Variants in FHAD1 observed in about 807,000 individuals in gnomAD.
The protein encoded by FHAD1 is forkhead associated phosphopeptide binding domain 1, also known as forkhead-associated domain-containing protein 1.
FHAD1 carries 146 observed loss-of-function variants against 191.3 expected under a neutral mutation model. That is an observed-to-expected ratio of 0.76 (90% CI 0.67 to 0.88). The LOEUF (loss-of-function observed/expected upper bound fraction) is 0.88, where lower values mean the gene tolerates loss of function less well. FHAD1 is among the 40% of genes least tolerant of loss of function. The probability of loss-of-function intolerance (pLI) is 0.00; values close to 1 mark genes in which losing one functional copy is unlikely to be tolerated. For synonymous variants in FHAD1, 616 were observed against 672.3 expected, an observed-to-expected ratio of 0.92 and a Z score of 1.29; for missense variants, 1,635 against 1,785.8, an observed-to-expected ratio of 0.92 and a Z score of 1.52.
intron 3 of FHAD1, among the ~76,000 whole-genome samples, chr1:15,284,258 A>G (rs1314045122): frequency 6.6e-6 from 1 of 152,160 alleles, no homozygotes; most frequent in Non-Finnish European, 1.5e-5. Flanking sequence ...AGGCGGGCGG[A>G]TCACGAGGTT....
At chr1:15,376,080 T>TA (rs1558271202) in intron 28 of FHAD1, among the ~76,000 whole-genome samples, 1,469 of 134,766 alleles carry the variant, frequency 0.011, 10 homozygotes, top group East Asian at 0.02. Flanking sequence ...TTTATTTATT[T>TA]TTTTATTTAT....
intron 25 of FHAD1, 54 bp downstream of exon 25, chr1:15,367,676 G>A (rs1383199952): frequency 1.7e-5 from 25 of 1,431,796 alleles, no homozygotes; most frequent in East Asian, 4.9e-5. Flanking sequence ...GTGGGGAGCC[G>A]CTGAGTATTG....
intron 2 of FHAD1, 90 bp from the exon 3 acceptor site, chr1:15,272,233 G>A (rs977062783): frequency 6.6e-6 from 8 of 1,206,206 alleles, no homozygotes; most frequent in East Asian, 2.6e-5. Flanking sequence ...ATCTGGCGGC[G>A]GCAAAACAGG....
In FHAD1 at chr1:15,327,496, T is replaced by C. The variant is rs1679217650; in HGVS notation, c.1557+354T>C. On this transcript the variant is annotated intron_variant, in intron 12 of 33. Transcript: ENST00000688493. This position sits in a 1 kb window ranked among gnomAD's most constrained non-coding sequence, Gnocchi z 5.1. ...TCCTTCAGAGGAGAAAAGTTGACAG[T>C]GGCAGTGAGGGTGGATGTCTGGCTG... 1 of 189,020 alleles carries C rather than the reference T, an allele frequency of 5.3e-6. No individual in the cohort carries two copies. The allele number at this position is 189,020 out of a possible 1,614,324, so 11.7% of individuals were successfully genotyped here.
intron 1 of FHAD1, among the ~76,000 whole-genome samples, chr1:15,237,745 A>C (rs1194632985): frequency 2.0e-5 from 3 of 152,034 alleles, no homozygotes; most frequent in Non-Finnish European, 4.4e-5. Flanking sequence ...GTAAAGTATC[A>C]GAAAGAAAAG....
At chr1:15,279,887 A>G (rs1045128373) in intron 3 of FHAD1, among the ~76,000 whole-genome samples, 1 of 152,044 alleles carries the variant, frequency 6.6e-6, no homozygotes, top group East Asian at 1.9e-4. Flanking sequence ...TGTAGGGAGG[A>G]AAAACAAAAA....
chr1:15,312,827 G>A lies in FHAD1; in HGVS notation c.1040-230G>A, dbSNP rs946710941. Among the ~76,000 whole-genome samples the A allele has an allele frequency of 1.3e-5, 2 of 152,096 alleles. No individual in the cohort carries two copies. The highest frequency in any genetic ancestry group is 4.8e-5 in the African/African-American group (2 of 41,436). ...GCAGGGCCGATGCCCACAGCACCCCGACAGATGTTTCCTGTCTCCAGCAAC... is the reference window on the plus strand; with the variant it reads ...GCAGGGCCGATGCCCACAGCACCCCAACAGATGTTTCCTGTCTCCAGCAAC... On this transcript the variant is annotated intron_variant, in intron 7 of 33. Coordinates refer to ENST00000688493, the MANE Select transcript of FHAD1 (RefSeq NM_001391957.1). The surrounding 1 kb of genome is among the most constrained non-coding windows in gnomAD (Gnocchi z 4.7).
At position 15,325,656 on chromosome 1, in the gene FHAD1, CT is replaced by C. The variant is rs1678221121; in HGVS notation, c.1473+1098del. The C allele has an allele frequency of 6.5e-6, 1 of 152,736 alleles. No homozygotes were observed. The highest frequency in any genetic ancestry group is 1.5e-5 in the Non-Finnish European group (1 of 68,356). 9.5% of individuals were successfully genotyped at this position (152,736 alleles called of 1,614,324 possible). A position where few individuals can be genotyped will look rare whatever the true frequency, so the allele number is the denominator to read the frequency against. ...ACATTGGCTACCCCCAATCTTCCCC[CT>C]AACACATACCTGATTTGAGGGTCTG... On this transcript the variant is annotated intron_variant, in intron 11 of 33. Coordinates refer to ENST00000688493, the MANE Select transcript of FHAD1 (RefSeq NM_001391957.1). This position sits in a 1 kb window ranked among gnomAD's most constrained non-coding sequence, Gnocchi z 4.6.
At chr1:15,363,979 G>A (rs959993907) in intron 23 of FHAD1, 2 of 341,100 alleles carry the variant, frequency 5.9e-6, no homozygotes, top group Non-Finnish European at 5.7e-6. Context: ...CTCAGCCTCC[G>A]CATTGTGAAA....
At chr1:15,357,400 G>A (rs1049341295) in intron 20 of FHAD1, among the ~76,000 whole-genome samples, 33 of 152,158 alleles carry the variant, frequency 2.2e-4, no homozygotes, top group African/African-American at 7.7e-4. Flanking sequence ...CGAGGCAGGC[G>A]GATCACGAGG....
chr1:15,314,624 TGAGGATGTATG>T (rs2101243299), intron 8 of FHAD1: 1 of 140,174 alleles, frequency 7.1e-6, no homozygotes, highest in African/African-American at 2.7e-5. Context: ...GGTGTGGGTG[TGAGGATGTATG>T]TGGGTGTGTG....
rs74053891 is a variant in FHAD1, at chr1:15,302,932, A to T, written c.915+1491A>T. 7.8e-3 allele frequency among the ~76,000 whole-genome samples: 1,184 copies of T among 152,318 alleles called. 23 individuals are homozygous for T. Among genetic ancestry groups the T allele is most frequent in the African/African-American group, 0.027 (1,110 of 41,570 alleles). Reference sequence around the variant, plus strand: ...CAGCCCTGGAAAAAGCCTAGGTTAGACATGGTGAACCTCGAAGAGTCTTTC... The same window carrying T: ...CAGCCCTGGAAAAAGCCTAGGTTAGTCATGGTGAACCTCGAAGAGTCTTTC... On this transcript the variant is annotated intron_variant, in intron 6 of 33. Coordinates refer to ENST00000688493, the MANE Select transcript of FHAD1 (RefSeq NM_001391957.1).
intron 33 of FHAD1, among the ~76,000 whole-genome samples, chr1:15,394,925 G>C (rs368916048): frequency 6.6e-6 from 1 of 152,244 alleles, no homozygotes; most frequent in African/African-American, 2.4e-5. Flanking sequence ...AATTGTTTGC[G>C]AGAGAGATCT....
At chr1:15,358,374 C>A in intron 21 of FHAD1, 91 bp downstream of exon 21, 1 of 1,292,812 alleles carries the variant, frequency 7.7e-7, no homozygotes, top group Non-Finnish European at 1.1e-6. Flanking sequence ...CGGGGCTTCT[C>A]AGCCTCAGCA....
chr1:15,296,805 G>A lies in FHAD1; in HGVS notation c.678+12G>A. 1.3e-6 allele frequency: 2 copies of A among 1,547,370 alleles called. No individual in the cohort carries two copies. The highest frequency in any genetic ancestry group is 1.7e-6 in the Non-Finnish European group (2 of 1,143,516). On this transcript the variant is annotated intron_variant, in intron 5 of 33. Transcript: ENST00000688493. ...CCCAGCAGGACAAGGTGAGGGAGGGGTCTGGGGAAGGGTGGAGCTGCAGCA... is the reference window on the plus strand; with the variant it reads ...CCCAGCAGGACAAGGTGAGGGAGGGATCTGGGGAAGGGTGGAGCTGCAGCA...
intron 10 of FHAD1, among the ~76,000 whole-genome samples, chr1:15,324,015 G>A (rs1014990265): frequency 6.6e-6 from 1 of 152,226 alleles, no homozygotes; most frequent in Non-Finnish European, 1.5e-5. Context: ...TCATCCACCT[G>A]TTCTAGGTCA....
chr1:15,315,478 G>A (rs1385254215), intron 8 of FHAD1, among the ~76,000 whole-genome samples: 2 of 136,598 alleles, frequency 1.5e-5, no homozygotes, highest in Non-Finnish European at 3.1e-5. Context: ...TCGGACATGG[G>A]TGTTTCCTTT....
intron 4 of FHAD1, among the ~76,000 whole-genome samples, chr1:15,295,563 A>G (rs1019910386): frequency 1.3e-5 from 2 of 152,186 alleles, no homozygotes; most frequent in Admixed American, 1.3e-4. Context: ...ATCCATGATC[A>G]TGCTACTGCA....
intron 5 of FHAD1, among the ~76,000 whole-genome samples, chr1:15,299,043 C>A (rs1277941040): frequency 2.1e-4 from 31 of 148,218 alleles, no homozygotes; most frequent in African/African-American, 5.2e-4. Flanking sequence ...ACAACAACAA[C>A]AAAAAAACGA....
Sources: allele counts gnomAD v4.1 joint callset (sites outside exome capture counted in the v4.1 genomes callset), GRCh38; gene constraint gnomAD v4.1.1; non-coding constraint Gnocchi (gnomAD v3.1); transcripts MANE v1.5; gene names NCBI Gene and HGNC (gene_info 2026-07-23, HGNC 2026-07-21).